Variants in HNRNPC observed in about 807,000 individuals in gnomAD.
HNRNPC encodes the protein heterogeneous nuclear ribonucleoprotein C, also known as heterogeneous nuclear ribonucleoproteins C1/C2.
A neutral mutation model predicts 33.2 loss-of-function variants in HNRNPC; 3 were observed. That is an observed-to-expected ratio of 0.09 (90% CI 0.04 to 0.23). The LOEUF is 0.23. Among genes scored for constraint, HNRNPC ranks in the 10% least tolerant of loss-of-function variants. The pLI is 1.00. For missense variants in HNRNPC, 143 were observed against 366.7 expected, an observed-to-expected ratio of 0.39 and a Z score of 4.98; for synonymous variants, 121 against 126.7, an observed-to-expected ratio of 0.96 and a Z score of 0.30.
intron 5 of HNRNPC, among the ~76,000 whole-genome samples, chr14:21,216,120 CAAAAAAAAAA>C (rs370660995): frequency 1.3e-4 from 11 of 87,844 alleles, no homozygotes; most frequent in Middle Eastern, 6.3e-3. Flanking sequence ...CCTCCACCAC[CAAAAAAAAAA>C]AAAAAAAAAA....
chr14:21,230,489 G>A lies in HNRNPC; in HGVS notation c.318-123C>T, dbSNP rs922179183. The A allele has an allele frequency of 5.9e-6, 4 of 679,436 alleles. No individual in the cohort carries two copies. The African/African-American group carries it at 7.2e-5, about 12-fold the overall frequency. The allele number at this position is 679,436 out of a possible 1,614,324, so 42.1% of individuals were successfully genotyped here. ...TAGATCAACAAGATTAGCACTGAAT[G>A]ATCCCCAATCATTCATACAATAAAT... On this transcript the variant is annotated intron_variant, in intron 4 of 8. Transcript: ENST00000553300.
intron 2 of HNRNPC, among the ~76,000 whole-genome samples, chr14:21,246,808 AG>A (rs1896027700): frequency 6.6e-6 from 1 of 152,222 alleles, no homozygotes; most frequent in South Asian, 2.1e-4. Flanking sequence ...AGTAAGACCA[AG>A]CCTTCATCTT....
chr14:21,215,568 A>G (rs367858359), intron 5 of HNRNPC, among the ~76,000 whole-genome samples: 1 of 152,212 alleles, frequency 6.6e-6, no homozygotes, highest in African/African-American at 2.4e-5. Context: ...TTAAGAAATT[A>G]AAACACTCTA....
chr14:21,247,047 T>G (rs1896055216), intron 2 of HNRNPC, among the ~76,000 whole-genome samples: 2 of 152,162 alleles, frequency 1.3e-5, no homozygotes, highest in Admixed American at 6.5e-5. Flanking sequence ...TTTTGGAGAG[T>G]TCAAAGTAAT....
chr14:21,231,477 A>T (rs1021836759), intron 3 of HNRNPC: 1 of 445,812 alleles, frequency 2.2e-6, no homozygotes, highest in African/African-American at 2.0e-5. Flanking sequence ...CCACCCAAGT[A>T]GCAGGGACCA....
chr14:21,255,777 C>G (rs757680505), intron 2 of HNRNPC, among the ~76,000 whole-genome samples: 2 of 152,196 alleles, frequency 1.3e-5, no homozygotes, highest in Admixed American at 6.5e-5. Flanking sequence ...CTGGACATAT[C>G]TCTTATGTCT....
At chr14:21,242,006 T>C (rs573431665) in intron 2 of HNRNPC, among the ~76,000 whole-genome samples, 1 of 152,280 alleles carries the variant, frequency 6.6e-6, no homozygotes, top group Admixed American at 6.5e-5. Flanking sequence ...TAGGTAGCCA[T>C]CTTTTTCAAA....
At chr14:21,255,827 G>T (rs531214412) in intron 2 of HNRNPC, among the ~76,000 whole-genome samples, 1 of 152,178 alleles carries the variant, frequency 6.6e-6, no homozygotes, top group Non-Finnish European at 1.5e-5. Flanking sequence ...GGTGATAAGT[G>T]CTAAAGAGTA....
chr14:21,231,278 C>T (rs1036359600), intron 3 of HNRNPC: 5 of 662,514 alleles, frequency 7.5e-6, no homozygotes, highest in Non-Finnish European at 1.1e-5. Flanking sequence ...TCACTACAGG[C>T]GGGCACCACC....
intron 6 of HNRNPC, among the ~76,000 whole-genome samples, chr14:21,212,236 AGATCCCCAGG>A (rs1891691948): frequency 6.6e-6 from 1 of 152,172 alleles, no homozygotes; most frequent in Non-Finnish European, 1.5e-5. Flanking sequence ...ACTACAGCCT[AGATCCCCAGG>A]GTCTTAGCCT....
At chr14:21,228,536 C>T (rs1457915590) in intron 5 of HNRNPC, among the ~76,000 whole-genome samples, 1 of 151,956 alleles carries the variant, frequency 6.6e-6, no homozygotes, top group Non-Finnish European at 1.5e-5. Flanking sequence ...GGACTACAGG[C>T]GCGTGCCACC....
chr14:21,235,900 A>G (rs1028210858), intron 2 of HNRNPC, among the ~76,000 whole-genome samples: 3 of 152,140 alleles, frequency 2.0e-5, no homozygotes, highest in Admixed American at 2.0e-4. Flanking sequence ...AACACAGAAT[A>G]CTGACCATAA....
intron 6 of HNRNPC, 29 bp downstream of exon 6, chr14:21,212,931 C>G (rs1891777557): frequency 6.2e-7 from 1 of 1,612,474 alleles, no homozygotes; most frequent in African/African-American, 1.3e-5. Context: ...ACAAGAGATA[C>G]CAAAATCACA....
rs574765462 is a variant in HNRNPC, at chr14:21,221,235, G to A, written c.366-8118C>T. On this transcript the variant is annotated intron_variant, in intron 5 of 8. Coordinates refer to ENST00000553300, the MANE Select transcript of HNRNPC (RefSeq NM_004500.4). The stretch of plus-strand genomic sequence containing the variant: ...TCTCCTATTTACTCTTTCAACATTC[G>A]CTCTACAACTGCAGTCTGGGTTATT... Among the ~76,000 whole-genome samples, 28 of 152,244 alleles carry A rather than the reference G, an allele frequency of 1.8e-4. No individual in the cohort carries two copies. The East Asian group carries it at 2.3e-3, about 13-fold the overall frequency.
intron 5 of HNRNPC, among the ~76,000 whole-genome samples, chr14:21,224,935 C>CA (rs1352449213): frequency 6.6e-6 from 1 of 152,114 alleles, no homozygotes; most frequent in Non-Finnish European, 1.5e-5. Flanking sequence ...TACTTATATA[C>CA]TGTATTACTA....
At chr14:21,226,229 GGAGAATCTC>G (rs1456438290) in intron 5 of HNRNPC, among the ~76,000 whole-genome samples, 1 of 151,308 alleles carries the variant, frequency 6.6e-6, no homozygotes, top group African/African-American at 2.4e-5. Context: ...GGCTGAGGCA[GGAGAATCTC>G]GAGAACCTGG....
At chr14:21,229,387 AT>A (rs1456292383) in intron 5 of HNRNPC, among the ~76,000 whole-genome samples, 5 of 146,450 alleles carry the variant, frequency 3.4e-5, no homozygotes, top group South Asian at 2.2e-4. Context: ...AAAAAAAAAA[AT>A]CTGAGGAAAC....
chr14:21,239,949 C>T (rs113253502), intron 2 of HNRNPC, among the ~76,000 whole-genome samples: 76 of 152,168 alleles, frequency 5.0e-4, no homozygotes, highest in African/African-American at 1.6e-3. Flanking sequence ...TGGACAAATG[C>T]GTTTGTATAT....
chr14:21,237,713 C>T (rs1006562716), intron 2 of HNRNPC, among the ~76,000 whole-genome samples: 3 of 152,132 alleles, frequency 2.0e-5, no homozygotes, highest in Admixed American at 6.6e-5. Flanking sequence ...AACAGGTTGC[C>T]AGCATCCTTT....
Sources: gnomAD v4.1 joint callset for allele counts (sites outside exome capture counted in the v4.1 genomes callset) on GRCh38, gnomAD v4.1.1 for gene constraint, MANE v1.5 for transcripts, NCBI Gene and HGNC (gene_info 2026-07-23, HGNC 2026-07-21) for gene names.